CNTNAP4: variants seen among roughly 807,000 people sequenced by gnomAD.
The protein encoded by CNTNAP4 is contactin-associated protein-like 4.
A neutral mutation model predicts 148.4 loss-of-function variants in CNTNAP4; 98 were observed. That is an observed-to-expected ratio of 0.66 (90% CI 0.56 to 0.78). The LOEUF (loss-of-function observed/expected upper bound fraction) is 0.78, where lower values mean the gene tolerates loss of function less well. Among genes scored for constraint, CNTNAP4 ranks in the 30% least tolerant of loss-of-function variants. The probability of loss-of-function intolerance (pLI) is 0.00; values close to 1 mark genes in which losing one functional copy is unlikely to be tolerated. For synonymous variants in CNTNAP4, 730 were observed against 565.1 expected, an observed-to-expected ratio of 1.29 and a Z score of -4.14; for missense variants, 1,935 against 1,565.6, an observed-to-expected ratio of 1.24 and a Z score of -3.98.
intron 8 of CNTNAP4, among the ~76,000 whole-genome samples, chr16:76,453,293 G>C (rs1364177527): frequency 6.6e-6 from 1 of 152,154 alleles, no homozygotes; most frequent in Non-Finnish European, 1.5e-5. Context: ...GGGATGCAAA[G>C]ATTTATGCAA....
chr16:76,369,213 A>C (rs550332070), intron 3 of CNTNAP4, among the ~76,000 whole-genome samples: 4 of 152,194 alleles, frequency 2.6e-5, no homozygotes, highest in Non-Finnish European at 5.9e-5. Flanking sequence ...TTATTTTCCA[A>C]TGTGTGCAAT....
At chr16:76,435,237 T>C (rs2079776249) in intron 4 of CNTNAP4, among the ~76,000 whole-genome samples, 1 of 152,160 alleles carries the variant, frequency 6.6e-6, no homozygotes, top group Non-Finnish European at 1.5e-5. Flanking sequence ...AATGAGTCTT[T>C]TGTCAATTCA....
At chr16:76,406,370 C>G (rs908462851) in intron 3 of CNTNAP4, among the ~76,000 whole-genome samples, 4 of 152,026 alleles carry the variant, frequency 2.6e-5, no homozygotes, top group African/African-American at 9.7e-5. Context: ...TCTCCTTGGA[C>G]CTCCCTATTT....
At chr16:76,370,039 G>A (rs899367361) in intron 3 of CNTNAP4, among the ~76,000 whole-genome samples, 1 of 152,140 alleles carries the variant, frequency 6.6e-6, no homozygotes, top group African/African-American at 2.4e-5. Context: ...TATTTTGCCA[G>A]CTGTCTGGGT....
At chr16:76,415,682 A>G (rs2078947706) in intron 3 of CNTNAP4, among the ~76,000 whole-genome samples, 1 of 150,982 alleles carries the variant, frequency 6.6e-6, no homozygotes, top group Non-Finnish European at 1.5e-5. Flanking sequence ...CCATCACCCA[A>G]CAGTTCCTTC....
chr16:76,526,169 A>G (rs1214240514), intron 17 of CNTNAP4, among the ~76,000 whole-genome samples: 1 of 152,128 alleles, frequency 6.6e-6, no homozygotes, highest in African/African-American at 2.4e-5. Context: ...ATTTGAGCAG[A>G]GGCCAGATGA....
intron 4 of CNTNAP4, among the ~76,000 whole-genome samples, chr16:76,435,964 T>C: frequency 6.6e-6 from 1 of 152,148 alleles, no homozygotes; most frequent in Non-Finnish European, 1.5e-5. Flanking sequence ...TTTCTCTTCA[T>C]ATAAATTAGA....
intron 15 of CNTNAP4, among the ~76,000 whole-genome samples, chr16:76,513,055 A>T (rs2083089987): frequency 6.6e-6 from 1 of 152,150 alleles, no homozygotes; most frequent in African/African-American, 2.4e-5. Context: ...ATGGGGGAGA[A>T]AGTATGATCA....
intron 2 of CNTNAP4, among the ~76,000 whole-genome samples, chr16:76,317,696 CAAAT>C (rs1317611052): frequency 6.6e-6 from 1 of 151,172 alleles, no homozygotes; most frequent in Non-Finnish European, 1.5e-5. Flanking sequence ...TTGGACATGA[CAAAT>C]AGGTAAGAGT....
chr16:76,435,603 G>A (rs1034774065), intron 4 of CNTNAP4, among the ~76,000 whole-genome samples: 2 of 152,140 alleles, frequency 1.3e-5, no homozygotes, highest in African/African-American at 2.4e-5. Context: ...TTTGCAAGGT[G>A]TTGGTCAAGG....
chr16:76,358,179 C>G (rs1597308533), intron 3 of CNTNAP4, among the ~76,000 whole-genome samples: 1 of 152,134 alleles, frequency 6.6e-6, no homozygotes, highest in East Asian at 1.9e-4. Context: ...ACTAAAAATA[C>G]AAAAAAGTTA....
chr16:76,541,094 A>G (rs2084433761), intron 21 of CNTNAP4, among the ~76,000 whole-genome samples: 1 of 152,238 alleles, frequency 6.6e-6, no homozygotes, highest in African/African-American at 2.4e-5. Flanking sequence ...TTGAAAATAA[A>G]AAATAACAAA....
intron 1 of CNTNAP4, among the ~76,000 whole-genome samples, chr16:76,294,097 A>C (rs973147334): frequency 1.3e-5 from 2 of 152,168 alleles, no homozygotes; most frequent in Non-Finnish European, 2.9e-5. Flanking sequence ...GAGAGCGAGT[A>C]AGAAACCCAC....
intron 4 of CNTNAP4, among the ~76,000 whole-genome samples, chr16:76,447,414 A>G (rs566948396): frequency 1.3e-5 from 2 of 151,786 alleles, no homozygotes; most frequent in Non-Finnish European, 1.5e-5. Context: ...TAGATCATGA[A>G]TTTTGTAAAC....
rs2866711 is a variant in CNTNAP4 at position 76,317,005 on chromosome 16, C to T, written c.196+482C>T. 7.1e-3 allele frequency among the ~76,000 whole-genome samples: 1,077 copies of T among 152,046 alleles called. 9 individuals are homozygous for T. Among genetic ancestry groups the T allele is most frequent in the African/African-American group, 0.025 (1,045 of 41,474 alleles). Reference sequence around the variant, plus strand: ...ACTCAGCCAGGTGTGGTGGTTCATGCCTATAATGCCAACACTTTAGGAGGC... The same window carrying T: ...ACTCAGCCAGGTGTGGTGGTTCATGTCTATAATGCCAACACTTTAGGAGGC... On this transcript the variant is annotated intron_variant, in intron 2 of 23. Transcript: ENST00000611870.
intron 10 of CNTNAP4, among the ~76,000 whole-genome samples, chr16:76,469,804 A>G (rs1792480393): frequency 6.6e-6 from 1 of 152,242 alleles, no homozygotes. Context: ...CTTTAGGCTA[A>G]CAGTAATCCT....
At chr16:76,314,855 C>T (rs1032157841) in intron 1 of CNTNAP4, among the ~76,000 whole-genome samples, 1 of 152,096 alleles carries the variant, frequency 6.6e-6, no homozygotes, top group Non-Finnish European at 1.5e-5. Flanking sequence ...TGTGTTGATT[C>T]TGCTTTTTTC....
At chr16:76,427,383 A>G (rs772377121) in intron 3 of CNTNAP4, 69 bp from the exon 4 acceptor site, 91 of 1,382,490 alleles carry the variant, frequency 6.6e-5, no homozygotes, top group Middle Eastern at 3.7e-4. Context: ...GCTAATAGAC[A>G]TTATAGGTGA....
At chr16:76,499,874 G>C (rs1481382221) in intron 15 of CNTNAP4, among the ~76,000 whole-genome samples, 1 of 152,040 alleles carries the variant, frequency 6.6e-6, no homozygotes, top group Non-Finnish European at 1.5e-5. Context: ...ACGGGGTTGG[G>C]GGTAAGGTTA....
Sources: allele counts gnomAD v4.1 joint callset (sites outside exome capture counted in the v4.1 genomes callset), GRCh38; gene constraint gnomAD v4.1.1; transcripts MANE v1.5; gene names NCBI Gene and HGNC (gene_info 2026-07-23, HGNC 2026-07-21).